WDFY3: variants seen among roughly 807,000 people sequenced by gnomAD.
WDFY3 encodes the protein WD repeat and FYVE domain containing 3.
In WDFY3, 66 loss-of-function variants were observed where a neutral mutation model predicts 409.6. The observed-to-expected ratio is 0.16, with a 90% confidence interval of 0.13 to 0.20. WDFY3 has a LOEUF of 0.20. Among genes scored for constraint, WDFY3 ranks in the 10% least tolerant of loss-of-function variants. The pLI is 1.00. For missense variants in WDFY3, 3,031 were observed against 4,298.1 expected (o/e 0.71, Z 8.24); for synonymous variants, 1,521 against 1,537.1 (o/e 0.99, Z 0.25).
intron 50 of WDFY3, 56 bp from the exon 51 acceptor site, chr4:84,713,295 G>A: frequency 6.7e-7 from 1 of 1,492,368 alleles, no homozygotes; most frequent in Non-Finnish European, 9.3e-7. Context: ...AGGATCTAAT[G>A]GGAAGCCTAA....
intron 44 of WDFY3, among the ~76,000 whole-genome samples, chr4:84,731,010 T>C (rs1023800974): frequency 2.6e-5 from 4 of 152,140 alleles, no homozygotes; most frequent in Non-Finnish European, 4.4e-5. Context: ...TTGGTCAGGA[T>C]GGTCTCGAAC....
At chr4:84,834,127 A>G (rs1756203993) in intron 7 of WDFY3, among the ~76,000 whole-genome samples, 1 of 152,206 alleles carries the variant, frequency 6.6e-6, no homozygotes, top group South Asian at 2.1e-4. Context: ...GCCTTATGTG[A>G]TTAGCGAGAC....
chr4:84,777,417 T>C (rs1341826037), intron 27 of WDFY3, among the ~76,000 whole-genome samples: 2 of 150,670 alleles, frequency 1.3e-5, no homozygotes, highest in Non-Finnish European at 3.0e-5. Flanking sequence ...TAGAAAAAAA[T>C]AGTAAGAAAG....
intron 44 of WDFY3, among the ~76,000 whole-genome samples, chr4:84,727,466 C>T (rs1200804160): frequency 6.6e-6 from 1 of 152,286 alleles, no homozygotes; most frequent in South Asian, 2.1e-4. Flanking sequence ...CCTTTACCAT[C>T]CCAGAAAGGG....
intron 4 of WDFY3, among the ~76,000 whole-genome samples, chr4:84,853,564 G>A (rs1427085997): frequency 6.6e-6 from 1 of 152,096 alleles, no homozygotes; most frequent in South Asian, 2.1e-4. Flanking sequence ...TTAGTATGAG[G>A]TATTTTATTG....
chr4:84,745,464 A>G (rs139766683), intron 36 of WDFY3, among the ~76,000 whole-genome samples: 29 of 152,242 alleles, frequency 1.9e-4, no homozygotes, highest in African/African-American at 7.0e-4. Context: ...TTCTATTCTG[A>G]TTTTCAAGGT....
chr4:84,930,818 T>A (rs933489614), intron 2 of WDFY3, among the ~76,000 whole-genome samples: 2 of 152,154 alleles, frequency 1.3e-5, no homozygotes, highest in Non-Finnish European at 2.9e-5. Flanking sequence ...TAATTCTGGG[T>A]AACACAGATG....
At chr4:84,813,907 G>A (rs544478785) in intron 13 of WDFY3, among the ~76,000 whole-genome samples, 77 of 152,130 alleles carry the variant, frequency 5.1e-4, no homozygotes, top group Admixed American at 1.4e-3. Context: ...GATAAATTGC[G>A]GTGAGATTAA....
At chr4:84,707,722 A>C (rs1280168673) in intron 53 of WDFY3, among the ~76,000 whole-genome samples, 3 of 152,220 alleles carry the variant, frequency 2.0e-5, no homozygotes, top group African/African-American at 4.8e-5. Context: ...GATTGACTTA[A>C]AGAAAAAATA....
chr4:84,852,310 T>C (rs1208198780), intron 4 of WDFY3, among the ~76,000 whole-genome samples: 1 of 152,216 alleles, frequency 6.6e-6, no homozygotes, highest in African/African-American at 2.4e-5. Flanking sequence ...TTCAAACTTA[T>C]GAATTGTTTG....
chr4:84,833,224 G>A (rs933375244), intron 7 of WDFY3, among the ~76,000 whole-genome samples: 4 of 152,024 alleles, frequency 2.6e-5, no homozygotes, highest in South Asian at 2.1e-4. Context: ...TCTAATACCA[G>A]TTCAGGTTAG....
At chr4:84,804,741 A>C (rs769366869) in intron 15 of WDFY3, among the ~76,000 whole-genome samples, 3 of 152,220 alleles carry the variant, frequency 2.0e-5, no homozygotes, top group Non-Finnish European at 4.4e-5. Context: ...TGTATCAGAA[A>C]TAACCACTGA....
intron 62 of WDFY3, among the ~76,000 whole-genome samples, chr4:84,684,422 GAA>G (rs1000062370): frequency 3.9e-5 from 6 of 152,316 alleles, no homozygotes; most frequent in Admixed American, 2.0e-4. Flanking sequence ...GGCGACACAA[GAA>G]AGCTCCCTGT....
rs1043245393 is a variant in WDFY3 at position 84,789,830 on chromosome 4, T to C, written c.3565A>G (p.Ile1189Val). ...ACCAAATGATGCCACTGTCCCTCAATGATAAGCTCTCCACATCGAAAGCGA... is the reference window on the plus strand; with the variant it reads ...ACCAAATGATGCCACTGTCCCTCAACGATAAGCTCTCCACATCGAAAGCGA... ...CARFRCGELI[I>V]EGQWHHLVLV... The change falls in exon 22 of 68, where the codon ATT becomes GTT. Residue 1189 changes from isoleucine to valine, a missense_variant. Ile to Val is a conservative substitution (Grantham distance 29). Transcript: ENST00000295888. 32 of 1,613,962 alleles carry C rather than the reference T, an allele frequency of 2.0e-5. No homozygotes were observed. Among genetic ancestry groups the C allele is most frequent in the Non-Finnish European group, 2.5e-5 (30 of 1,180,032 alleles).
intron 1 of WDFY3, among the ~76,000 whole-genome samples, chr4:84,964,649 T>A (rs1775395331): frequency 6.6e-6 from 1 of 152,240 alleles, no homozygotes; most frequent in Admixed American, 6.5e-5. Context: ...TTTTCTAACT[T>A]ATCCCTCCTT....
At chr4:84,911,415 A>T (rs1255866894) in intron 2 of WDFY3, among the ~76,000 whole-genome samples, 1 of 152,112 alleles carries the variant, frequency 6.6e-6, no homozygotes, top group Non-Finnish European at 1.5e-5. Flanking sequence ...TGAGCCCAGG[A>T]ATTGAGGGTT....
chr4:84,686,116 T>C (rs985069156), intron 62 of WDFY3, among the ~76,000 whole-genome samples: 6 of 151,986 alleles, frequency 3.9e-5, no homozygotes, highest in African/African-American at 1.5e-4. Flanking sequence ...CCATCTTCGC[T>C]AACACGGTGA....
chr4:84,687,410 T>C (rs951520396), intron 62 of WDFY3, among the ~76,000 whole-genome samples: 1 of 152,174 alleles, frequency 6.6e-6, no homozygotes, highest in Non-Finnish European at 1.5e-5. Context: ...CCCAAAGTGC[T>C]GGGATTACAG....
chr4:84,672,751 A>C lies in WDFY3; in HGVS notation c.*117T>G. The C allele has an allele frequency of 7.0e-7, 1 of 1,438,560 alleles. No individual in the cohort carries two copies. The allele number at this position is 1,438,560 out of a possible 1,614,324, so 89.1% of individuals were successfully genotyped here. On this transcript the variant is annotated 3_prime_UTR_variant, in exon 68 of 68. Transcript: ENST00000295888. Reference sequence around the variant, plus strand: ...TGATCCCTTTGAATTTTAACACTTCAAACACGTGGTATGAAGAGATGTGTA... The same window carrying C: ...TGATCCCTTTGAATTTTAACACTTCCAACACGTGGTATGAAGAGATGTGTA...
Sources: allele counts gnomAD v4.1 joint callset (sites outside exome capture counted in the v4.1 genomes callset), GRCh38; gene constraint gnomAD v4.1.1; transcripts MANE v1.5; gene names NCBI Gene and HGNC (gene_info 2026-07-23, HGNC 2026-07-21).